Variants in GRID2 observed in about 807,000 individuals in gnomAD.
GRID2 encodes the protein glutamate ionotropic receptor delta type subunit 2, also known as glutamate receptor ionotropic, delta-2.
GRID2 carries 33 observed loss-of-function variants against 114.8 expected under a neutral mutation model. That is an observed-to-expected ratio of 0.29 (90% CI 0.22 to 0.38). The LOEUF is 0.38. Among genes scored for constraint, GRID2 ranks in the 10% least tolerant of loss-of-function variants. The pLI is 1.00. For synonymous variants in GRID2, 505 were observed against 449.9 expected (o/e 1.12, Z -1.55); for missense variants, 1,184 against 1,257.7 (o/e 0.94, Z 0.89).
chr4:92,823,228 T>A (rs1218329252), intron 2 of GRID2, among the ~76,000 whole-genome samples: 1 of 152,090 alleles, frequency 6.6e-6, no homozygotes, highest in Non-Finnish European at 1.5e-5. Context: ...CTATTGCCAA[T>A]TGGTACAAGG....
At chr4:92,338,525 T>A (rs953353216) in intron 1 of GRID2, among the ~76,000 whole-genome samples, 2 of 152,072 alleles carry the variant, frequency 1.3e-5, no homozygotes, top group African/African-American at 4.8e-5. Context: ...TCTTACAATA[T>A]AGGAACATAC....
intron 2 of GRID2, among the ~76,000 whole-genome samples, chr4:92,695,425 C>G (rs1311316365): frequency 6.6e-6 from 1 of 151,808 alleles, no homozygotes; most frequent in Non-Finnish European, 1.5e-5. Flanking sequence ...CGTAAGAAAA[C>G]TATTCATTCC....
chr4:92,931,674 A>G (rs927579923), intron 2 of GRID2, among the ~76,000 whole-genome samples: 1 of 150,552 alleles, frequency 6.6e-6, no homozygotes, highest in African/African-American at 2.4e-5. Context: ...AGTAACCAAA[A>G]TAACCTGGAT....
chr4:93,665,434 C>G (rs1473003137), intron 14 of GRID2, among the ~76,000 whole-genome samples: 1 of 152,172 alleles, frequency 6.6e-6, no homozygotes, highest in African/African-American at 2.4e-5. Flanking sequence ...AGTGTTTTTA[C>G]TTCATTCATC....
At chr4:93,114,100 T>C (rs1003474311) in intron 4 of GRID2, among the ~76,000 whole-genome samples, 4 of 152,136 alleles carry the variant, frequency 2.6e-5, no homozygotes, top group Non-Finnish European at 4.4e-5. Flanking sequence ...CACACAGGTG[T>C]TGGGAAAGCA....
chr4:93,552,297 G>A (rs1446955692), intron 13 of GRID2, among the ~76,000 whole-genome samples: 1 of 152,004 alleles, frequency 6.6e-6, no homozygotes, highest in African/African-American at 2.4e-5. Flanking sequence ...CATTCGGGTT[G>A]GTCACAAGTC....
chr4:92,615,015 G>T, intron 2 of GRID2, among the ~76,000 whole-genome samples: 1 of 149,816 alleles, frequency 6.7e-6, no homozygotes, highest in East Asian at 2.0e-4. Context: ...ATCTTAGTCT[G>T]GTCAGGCTAC....
intron 14 of GRID2, among the ~76,000 whole-genome samples, chr4:93,650,634 G>A (rs529440805): frequency 6.6e-6 from 1 of 152,238 alleles, no homozygotes; most frequent in Admixed American, 6.5e-5. Context: ...GAGTTTCTAA[G>A]CAAATGCTTT....
At chr4:93,197,976 A>T (rs912238612) in intron 4 of GRID2, among the ~76,000 whole-genome samples, 1 of 152,254 alleles carries the variant, frequency 6.6e-6, no homozygotes, top group Admixed American at 6.5e-5. Context: ...TTTAATTAAA[A>T]TTTTTTCTAA....
intron 2 of GRID2, among the ~76,000 whole-genome samples, chr4:92,930,578 A>AT (rs35741890): frequency 0.069 from 8,195 of 119,446 alleles, 427 homozygotes; most frequent in African/African-American, 0.13. Context: ...CACTTTCGGC[A>AT]TTTTTTTTTT....
At chr4:92,764,729 T>A (rs1738179868) in intron 2 of GRID2, among the ~76,000 whole-genome samples, 1 of 152,220 alleles carries the variant, frequency 6.6e-6, no homozygotes, top group African/African-American at 2.4e-5. Flanking sequence ...ATGTCTTCTT[T>A]TCCCATCATT....
At chr4:92,877,966 C>A (rs1471754374) in intron 2 of GRID2, among the ~76,000 whole-genome samples, 1 of 151,998 alleles carries the variant, frequency 6.6e-6, no homozygotes, top group Non-Finnish European at 1.5e-5. Context: ...TTTCTTGCTC[C>A]CCAGGTATTT....
intron 13 of GRID2, among the ~76,000 whole-genome samples, chr4:93,552,578 G>A (rs573846562): frequency 1.3e-5 from 2 of 152,272 alleles, no homozygotes; most frequent in African/African-American, 4.8e-5. Context: ...CATTCTAACT[G>A]GTGTGAGATG....
At chr4:92,910,964 G>A (rs1370809043) in intron 2 of GRID2, among the ~76,000 whole-genome samples, 2 of 151,252 alleles carry the variant, frequency 1.3e-5, no homozygotes, top group African/African-American at 4.9e-5. Context: ...TATGTTTTAC[G>A]AATATTTGTT....
intron 8 of GRID2, among the ~76,000 whole-genome samples, chr4:93,271,344 C>T (rs148572910): frequency 2.2e-3 from 338 of 152,194 alleles, no homozygotes; most frequent in Non-Finnish European, 4.0e-3. Context: ...CTCCAGAGAA[C>T]GCATGAAAGT....
Position 92,337,484 on chromosome 4 carries a change from G to T in GRID2, c.88+32740G>T, listed in dbSNP as rs537302910. 4.6e-5 allele frequency among the ~76,000 whole-genome samples: 7 copies of T among 152,284 alleles called. No individual in the cohort carries two copies. In the East Asian group the frequency reaches 1.4e-3, roughly 29 times the overall value. ...AGGAAAGCAGAATAGGGCAGAGGTA[G>T]AAGCTAAGTGTATTAGTCTGTTCTG... On this transcript the variant is annotated intron_variant, in intron 1 of 15. Transcript: ENST00000282020.
At chr4:93,695,514 G>A (rs1012826065) in intron 14 of GRID2, among the ~76,000 whole-genome samples, 1 of 152,130 alleles carries the variant, frequency 6.6e-6, no homozygotes, top group Non-Finnish European at 1.5e-5. Context: ...AAAAGGAAAT[G>A]AACAATAATG....
chr4:93,311,670 G>A (rs1756031544), intron 8 of GRID2, among the ~76,000 whole-genome samples: 1 of 152,266 alleles, frequency 6.6e-6, no homozygotes, highest in African/African-American at 2.4e-5. Context: ...GGTTATTGTT[G>A]GCAGACGAGC....
At chr4:93,759,384 G>A (rs1356512316) in intron 14 of GRID2, among the ~76,000 whole-genome samples, 1 of 152,132 alleles carries the variant, frequency 6.6e-6, no homozygotes, top group Non-Finnish European at 1.5e-5. Flanking sequence ...TATAAATTAT[G>A]ATGGGTCTTA....
Sources: allele counts gnomAD v4.1 joint callset (sites outside exome capture counted in the v4.1 genomes callset), GRCh38; gene constraint gnomAD v4.1.1; transcripts MANE v1.5; gene names NCBI Gene and HGNC (gene_info 2026-07-23, HGNC 2026-07-21).